The following KCNIP4 variants were observed in gnomAD, a reference collection of about 807,000 sequenced individuals.
KCNIP4 encodes potassium voltage-gated channel interacting protein 4.
Under a neutral mutation model 34.0 loss-of-function variants are expected in KCNIP4, and 12 were observed. The observed-to-expected ratio is 0.35, with a 90% CI of 0.23 to 0.57. The LOEUF (loss-of-function observed/expected upper bound fraction) is 0.57. Ranked by LOEUF, KCNIP4 falls within the 20% of genes least tolerant of loss-of-function variation. The pLI, the probability that KCNIP4 is intolerant of heterozygous loss-of-function variation, is 0.83. For synonymous variants in KCNIP4, 124 were observed against 102.2 expected (o/e 1.21, Z -1.29); for missense variants, 238 against 311.7 (o/e 0.76, Z 1.78).
chr4:21,246,610 A>T (rs980528351), intron 1 of KCNIP4, among the ~76,000 whole-genome samples: 5 of 152,110 alleles, frequency 3.3e-5, no homozygotes, highest in African/African-American at 1.2e-4. Flanking sequence ...CAATTTTGAT[A>T]CACCTACTCC....
intron 1 of KCNIP4, among the ~76,000 whole-genome samples, chr4:21,158,090 A>C (rs1753283996): frequency 1.3e-5 from 2 of 152,126 alleles, no homozygotes; most frequent in African/African-American, 2.4e-5. Context: ...AGATAAAAAC[A>C]ACCAAATTTT....
chr4:21,191,893 T>C (rs866697913), intron 1 of KCNIP4, among the ~76,000 whole-genome samples: 11 of 152,182 alleles, frequency 7.2e-5, no homozygotes, highest in African/African-American at 2.4e-4. Context: ...TTTGTGTTAG[T>C]ATTTTGATTA....
intron 1 of KCNIP4, among the ~76,000 whole-genome samples, chr4:21,095,195 T>C (rs1157770886): frequency 1.3e-5 from 2 of 152,178 alleles, no homozygotes; most frequent in African/African-American, 4.8e-5. Flanking sequence ...TATGCATGTG[T>C]GATCATTCAT....
At chr4:21,823,318 T>C (rs1179732924) in intron 1 of KCNIP4, among the ~76,000 whole-genome samples, 2 of 152,028 alleles carry the variant, frequency 1.3e-5, no homozygotes, top group African/African-American at 2.4e-5. Context: ...ATATTATTTA[T>C]TTACATGAAA....
intron 2 of KCNIP4, among the ~76,000 whole-genome samples, chr4:20,862,769 C>T (rs1722339796): frequency 1.3e-5 from 2 of 152,048 alleles, no homozygotes; most frequent in African/African-American, 4.8e-5. Flanking sequence ...ACATATACAC[C>T]ACGGAATACT....
chr4:21,847,792 C>T (rs532446194), intron 1 of KCNIP4: 26 of 152,138 alleles, frequency 1.7e-4, no homozygotes, highest in African/African-American at 6.3e-4. Flanking sequence ...TACATTTACT[C>T]ACTTTCTCTG....
At chr4:21,116,509 C>T (rs772509479) in intron 1 of KCNIP4, among the ~76,000 whole-genome samples, 23 of 152,338 alleles carry the variant, frequency 1.5e-4, no homozygotes, top group African/African-American at 5.0e-4. Flanking sequence ...AAAGGCATCA[C>T]GCTTTCCTCT....
intron 1 of KCNIP4, among the ~76,000 whole-genome samples, chr4:21,890,536 T>C (rs1560790514): frequency 6.6e-6 from 1 of 152,068 alleles, no homozygotes; most frequent in African/African-American, 2.4e-5. Flanking sequence ...TTCATGAGAA[T>C]GTTATAAATC....
Position 21,948,555 on chromosome 4 carries a change from G to A in KCNIP4, c.61+16C>T. On this transcript the variant is annotated intron_variant, in intron 1 of 8. Transcript: ENST00000382152. ...GGCGGAAGCGGGCGCCCGCTCGCAAGCTTATTGCATCCTACCGCCTGTAGA... is the reference window on the plus strand; with the variant it reads ...GGCGGAAGCGGGCGCCCGCTCGCAAACTTATTGCATCCTACCGCCTGTAGA... The A allele has an allele frequency of 6.2e-7, 1 of 1,611,718 alleles. No homozygotes were observed. Among genetic ancestry groups the A allele is most frequent in the Non-Finnish European group, 8.5e-7 (1 of 1,179,022 alleles).
intron 1 of KCNIP4, among the ~76,000 whole-genome samples, chr4:21,839,492 G>A (rs949260265): frequency 2.0e-4 from 31 of 152,168 alleles, no homozygotes; most frequent in African/African-American, 5.3e-4. Flanking sequence ...AAAGGCTCAC[G>A]TCTGTAATCT....
At chr4:21,748,705 G>A (rs1716943907) in intron 1 of KCNIP4, among the ~76,000 whole-genome samples, 3 of 152,116 alleles carry the variant, frequency 2.0e-5, no homozygotes. Context: ...TTGTTGTACT[G>A]TCATTAATAA....
chr4:20,924,826 G>GA (rs921280792), intron 1 of KCNIP4, among the ~76,000 whole-genome samples: 3 of 152,080 alleles, frequency 2.0e-5, no homozygotes, highest in Non-Finnish European at 2.9e-5. Context: ...CACATAAGTG[G>GA]AAAAAATGTT....
intron 1 of KCNIP4, among the ~76,000 whole-genome samples, chr4:21,574,609 C>T (rs1490333527): frequency 1.3e-5 from 2 of 151,942 alleles, no homozygotes; most frequent in African/African-American, 4.8e-5. Flanking sequence ...AAAGAAGGAT[C>T]CAGATTTGAA....
At chr4:20,821,898 C>T (rs2149445944) in intron 3 of KCNIP4, among the ~76,000 whole-genome samples, 1 of 152,080 alleles carries the variant, frequency 6.6e-6, no homozygotes, top group East Asian at 1.9e-4. Flanking sequence ...CTCTCTCTCA[C>T]ACACACACAT....
intron 1 of KCNIP4, among the ~76,000 whole-genome samples, chr4:21,616,113 C>T (rs906473460): frequency 2.0e-5 from 3 of 152,178 alleles, no homozygotes; most frequent in Non-Finnish European, 4.4e-5. Context: ...AGTCACTGCC[C>T]TTGTCTCAGC....
intron 1 of KCNIP4, among the ~76,000 whole-genome samples, chr4:21,824,049 A>G (rs921540124): frequency 4.6e-5 from 7 of 152,158 alleles, no homozygotes; most frequent in African/African-American, 7.2e-5. Context: ...ATGTTTAGCT[A>G]CGATGTGAAG....
intron 1 of KCNIP4, among the ~76,000 whole-genome samples, chr4:21,830,790 T>C (rs1722936479): frequency 6.6e-6 from 1 of 152,136 alleles, no homozygotes; most frequent in Non-Finnish European, 1.5e-5. Context: ...AATTAAAGTA[T>C]ATGTTAGGTC....
intron 1 of KCNIP4, among the ~76,000 whole-genome samples, chr4:21,638,459 A>C (rs1746383048): frequency 6.6e-6 from 1 of 152,212 alleles, no homozygotes. Flanking sequence ...ACCATGAAAA[A>C]GAAAATTCAG....
intron 1 of KCNIP4, among the ~76,000 whole-genome samples, chr4:21,629,849 CTTTTTTTT>C (rs5856652): frequency 1.1e-5 from 1 of 87,802 alleles, no homozygotes; most frequent in African/African-American, 4.8e-5. Context: ...CTTTTTCTTT[CTTTTTTTT>C]TTTTTTTTTT....
Sources: gnomAD v4.1 joint callset for allele counts (sites outside exome capture counted in the v4.1 genomes callset) on GRCh38, gnomAD v4.1.1 for gene constraint, MANE v1.5 for transcripts, NCBI Gene and HGNC (gene_info 2026-07-23, HGNC 2026-07-21) for gene names.